Variants in ST3GAL2 observed in about 807,000 individuals in gnomAD.
ST3GAL2 encodes the protein ST3 beta-galactoside alpha-2,3-sialyltransferase 2, also known as CMP-N-acetylneuraminate-beta-galactosamide-alpha-2,3-sialyltransferase 2.
In ST3GAL2, 16 loss-of-function variants were observed where a neutral mutation model predicts 37.5. The observed-to-expected ratio is 0.43, with a 90% CI of 0.29 to 0.65. The LOEUF is 0.65. Among genes scored for constraint, ST3GAL2 ranks in the 30% least tolerant of loss-of-function variants. The pLI is 0.17. For synonymous variants in ST3GAL2, 238 were observed against 202.9 expected, an observed-to-expected ratio of 1.17 and a Z score of -1.47; for missense variants, 383 against 487.8, an observed-to-expected ratio of 0.79 and a Z score of 2.02.
At chr16:70,386,931 G>A (rs1052617105) in intron 4 of ST3GAL2, among the ~76,000 whole-genome samples, 32 of 152,054 alleles carry the variant, frequency 2.1e-4, no homozygotes, top group Non-Finnish European at 4.0e-4. Context: ...TGCGTGAGCC[G>A]CAGTGCCCGG....
chr16:70,414,847 A>G (rs2047664168), intron 1 of ST3GAL2, among the ~76,000 whole-genome samples: 1 of 148,440 alleles, frequency 6.7e-6, no homozygotes, highest in African/African-American at 2.6e-5. Flanking sequence ...TAATTTTTCT[A>G]TTATTATTTA....
chr16:70,424,850 G>A (rs1309101183), intron 1 of ST3GAL2, among the ~76,000 whole-genome samples: 1 of 152,154 alleles, frequency 6.6e-6, no homozygotes, highest in Non-Finnish European at 1.5e-5. Context: ...TCGTGGCACA[G>A]GCCTCCTTCG....
chr16:70,427,976 T>C (rs1597576793), intron 1 of ST3GAL2, among the ~76,000 whole-genome samples: 1 of 152,188 alleles, frequency 6.6e-6, no homozygotes, highest in Admixed American at 6.5e-5. Context: ...CATCTCTAAT[T>C]CCTCTCATCA....
rs765785737 is a variant in ST3GAL2, at chr16:70,398,223, T to A, written c.308A>T (p.Asp103Val). Residue 103 changes from aspartate to valine, a missense_variant, in exon 2 of 7, where the codon GAT becomes GTT. Physicochemically the swap from Asp to Val is radical, Grantham distance 152. This residue lies in a region of ST3GAL2 where 223 missense variants were observed against 239.1 expected (regional missense o/e 0.93). Coordinates refer to ENST00000342907, the MANE Select transcript of ST3GAL2 (RefSeq NM_006927.4). ...ISPVWTRENM[D>V]LPPDVQRWWM... is the part of the protein sequence containing the mutation. ...CCACCTCTGGACGTCCGGTGGAAGA[T>A]CCATGTTCTCTCGGGTCCAGACGGG... 1.9e-6 allele frequency: 3 copies of A among 1,613,368 alleles called. No individual in the cohort carries two copies. Among genetic ancestry groups the A allele is most frequent in the Admixed American group, 1.7e-5 (1 of 60,032 alleles).
intron 2 of ST3GAL2, among the ~76,000 whole-genome samples, chr16:70,397,691 A>G (rs1359309142): frequency 6.6e-6 from 1 of 152,160 alleles, no homozygotes; most frequent in East Asian, 1.9e-4. Flanking sequence ...GTGCCACTGC[A>G]CTCCAGCCTG....
intron 1 of ST3GAL2, among the ~76,000 whole-genome samples, chr16:70,410,780 A>T (rs1338611392): frequency 1.3e-5 from 2 of 151,318 alleles, no homozygotes; most frequent in Non-Finnish European, 2.9e-5. Context: ...TCTCTTAAAA[A>T]AAAAAATTAA....
At position 70,393,049 on chromosome 16, in the gene ST3GAL2, C is replaced by A. The variant is rs185917471; in HGVS notation, c.533+1933G>T. ...TCTGGGGTCCACTCTATACCACCCC[C>A]CTTCCTTACCTGGCCCCTGTGAGGA... On this transcript the variant is annotated intron_variant, in intron 3 of 6. Transcript: ENST00000342907. Among the ~76,000 whole-genome samples the A allele has an allele frequency of 1.5e-4, 23 of 152,082 alleles. No individual in the cohort carries two copies. The South Asian group carries it at 2.9e-3, about 19-fold the overall frequency.
intron 1 of ST3GAL2, among the ~76,000 whole-genome samples, chr16:70,438,346 T>C (rs1425057117): frequency 6.6e-6 from 1 of 152,112 alleles, no homozygotes; most frequent in Non-Finnish European, 1.5e-5. Flanking sequence ...GAGACGAGGT[T>C]CAGACCAGCC....
At chr16:70,387,975 G>A (rs1411853678) in intron 4 of ST3GAL2, among the ~76,000 whole-genome samples, 1 of 151,994 alleles carries the variant, frequency 6.6e-6, no homozygotes. Flanking sequence ...AGCCGGGCGT[G>A]GTGGTGCATC....
intron 1 of ST3GAL2, among the ~76,000 whole-genome samples, chr16:70,416,533 A>G (rs1487369388): frequency 6.6e-6 from 1 of 152,218 alleles, no homozygotes; most frequent in East Asian, 1.9e-4. Flanking sequence ...GGAGGCATCA[A>G]TAAATGTTTG....
intron 1 of ST3GAL2, among the ~76,000 whole-genome samples, chr16:70,402,629 T>C (rs2047563847): frequency 6.6e-6 from 1 of 152,176 alleles, no homozygotes; most frequent in Non-Finnish European, 1.5e-5. Flanking sequence ...GGGTACCTTG[T>C]AATCCAGGTG....
In ST3GAL2 at chr16:70,377,178, T is replaced by A. The variant is rs1325814057; in HGVS notation, c.*4511A>T. 7.0e-5 allele frequency: 6 copies of A among 85,492 alleles called. No homozygotes were observed. Among genetic ancestry groups the A allele is most frequent in the African/African-American group, 2.5e-4 (4 of 16,262 alleles). 5.3% of individuals were successfully genotyped at this position (85,492 alleles called of 1,614,324 possible). On this transcript the variant is annotated 3_prime_UTR_variant, in exon 7 of 7. Transcript: ENST00000342907. Reference sequence around the variant, plus strand: ...CTGGGCGACAGGAGACCCTGTCTCTTAAAAAAAAAAAAAAAAAAAAAAAAA... The same window carrying A: ...CTGGGCGACAGGAGACCCTGTCTCTAAAAAAAAAAAAAAAAAAAAAAAAAA...
chr16:70,395,540 G>A (rs2047509816), intron 2 of ST3GAL2, among the ~76,000 whole-genome samples: 1 of 152,202 alleles, frequency 6.6e-6, no homozygotes, highest in Non-Finnish European at 1.5e-5. Flanking sequence ...ATCCTTCCTG[G>A]TCAGCCTACA....
intron 1 of ST3GAL2, among the ~76,000 whole-genome samples, chr16:70,422,718 G>A (rs2047723718): frequency 6.6e-6 from 1 of 152,084 alleles, no homozygotes; most frequent in African/African-American, 2.4e-5. Flanking sequence ...TTGACCTCTG[G>A]CCCAGAGACC....
intron 1 of ST3GAL2, among the ~76,000 whole-genome samples, chr16:70,432,054 A>G (rs2047795040): frequency 6.6e-6 from 1 of 151,804 alleles, no homozygotes; most frequent in Non-Finnish European, 1.5e-5. Flanking sequence ...CAGGAAGCTG[A>G]GGTGGAAGGA....
chr16:70,385,698 CTTTTTT>C (rs1034830291), intron 4 of ST3GAL2, among the ~76,000 whole-genome samples: 2 of 92,212 alleles, frequency 2.2e-5, no homozygotes, highest in African/African-American at 5.0e-5. Flanking sequence ...TTTTTTGGTT[CTTTTTT>C]TTTTTTTTTT....
chr16:70,398,524 A>G lies in ST3GAL2; in HGVS notation c.7T>C (p.Cys3Arg). The G allele has an allele frequency of 6.3e-7, 1 of 1,599,770 alleles. No homozygotes were observed. The highest frequency in any genetic ancestry group is 1.7e-4 in the Middle Eastern group (1 of 5,756). The change falls in exon 2 of 7, where the codon TGC becomes CGC. Residue 3 changes from cysteine (C) to arginine (R), a missense_variant. Transcript: ENST00000342907. MK[C>R]SLRVWFLSVA... ...GAGAGGAACCACACCCGCAGGGAGC[A>G]CTTCATGGTGCCGGCAGGCGGGTGA...
intron 2 of ST3GAL2, 106 bp from the exon 3 acceptor site, chr16:70,395,281 C>T (rs1023653337): frequency 1.9e-6 from 2 of 1,068,682 alleles, no homozygotes; most frequent in Middle Eastern, 2.6e-4. Context: ...TGTCTGGGCA[C>T]AGGCCTCTTT....
Position 70,382,790 on chromosome 16 carries a change from C to T in ST3GAL2, c.879+15G>A, listed in dbSNP as rs1440459456. The T allele has an allele frequency of 7.4e-6, 12 of 1,613,828 alleles. No individual in the cohort carries two copies. Among genetic ancestry groups the T allele is most frequent in the African/African-American group, 1.3e-5 (1 of 75,022 alleles). On this transcript the variant is annotated intron_variant, in intron 6 of 6. Coordinates refer to ENST00000342907, the MANE Select transcript of ST3GAL2 (RefSeq NM_006927.4). ...TTCCATGGGTTCCCACCACCCACACCACGGGCCTACCCACCTCATCACACA... is the reference window on the plus strand; with the variant it reads ...TTCCATGGGTTCCCACCACCCACACTACGGGCCTACCCACCTCATCACACA...
Sources: allele counts gnomAD v4.1 joint callset (sites outside exome capture counted in the v4.1 genomes callset), GRCh38; gene constraint gnomAD v4.1.1; regional missense constraint gnomAD v4.1.1; transcripts MANE v1.5; gene names NCBI Gene and HGNC (gene_info 2026-07-23, HGNC 2026-07-21).